Variants in VWA2 observed in about 807,000 individuals in gnomAD.
VWA2 encodes von Willebrand factor A domain-containing protein 2.
VWA2 carries 73 observed loss-of-function variants against 70.4 expected under a neutral mutation model. That is an observed-to-expected ratio of 1.04 (90% CI 0.86 to 1.26). The LOEUF (loss-of-function observed/expected upper bound fraction) is 1.26, where lower values mean the gene tolerates loss of function less well. VWA2 is among the 50% of genes most tolerant of loss of function. The probability of loss-of-function intolerance (pLI) is 0.00; values close to 1 mark genes in which losing one functional copy is unlikely to be tolerated. For synonymous variants in VWA2, 407 were observed against 423.3 expected, an observed-to-expected ratio of 0.96 and a Z score of 0.47; for missense variants, 1,011 against 998.5, an observed-to-expected ratio of 1.01 and a Z score of -0.17.
At chr10:114,248,390 C>T (rs2037119784) in intron 1 of VWA2, among the ~76,000 whole-genome samples, 1 of 152,182 alleles carries the variant, frequency 6.6e-6, no homozygotes, top group Admixed American at 6.5e-5. Flanking sequence ...AGAGCCAACA[C>T]CCGGGCCTCT....
rs146210457 is a variant in VWA2 at position 114,253,684 on chromosome 10, T to C, written c.86T>C (p.Val29Ala). Residue 29 changes from valine to alanine, a missense_variant, in exon 3 of 14, where the codon GTA becomes GCA. Coordinates refer to ENST00000392982, the MANE Select transcript of VWA2 (RefSeq NM_001272046.2). ...PPSLPLQEVH[V>A]SKETIGKISA... ...TCTCTCCCTCTCCAGGAAGTCCATG[T>C]AAGCAAAGAAACCATCGGGAAGATT... 1.6e-5 allele frequency: 26 copies of C among 1,612,470 alleles called. No homozygotes were observed. Among genetic ancestry groups the C allele is most frequent in the Non-Finnish European group, 2.2e-5 (26 of 1,179,808 alleles).
In VWA2 at chr10:114,241,360, T is replaced by G. The variant is rs2036971342; in HGVS notation, c.-11+1791T>G. ...GTTTCACTACCGTAAAAATCTTCTG[T>G]GCATCCCACCCTCCCTACAACACAT... On this transcript the variant is annotated intron_variant, in intron 1 of 13. Transcript: ENST00000392982. Among the ~76,000 whole-genome samples, 4 of 152,342 alleles carry G rather than the reference T, an allele frequency of 2.6e-5. No homozygotes were observed. In the South Asian group the frequency reaches 8.3e-4, roughly 32 times the overall value.
chr10:114,282,607 G>A, intron 9 of VWA2, 36 bp downstream of exon 9: 1 of 1,585,882 alleles, frequency 6.3e-7, no homozygotes, highest in Non-Finnish European at 8.7e-7. Flanking sequence ...GGTTCTTTCA[G>A]GGCCCTGGGC....
chr10:114,291,257 G>A lies in VWA2; in HGVS notation c.*20G>A. 1 of 1,549,618 alleles carries A rather than the reference G, an allele frequency of 6.5e-7. No individual in the cohort carries two copies. The highest frequency in any genetic ancestry group is 1.7e-4 in the Middle Eastern group (1 of 5,988). On this transcript the variant is annotated 3_prime_UTR_variant, in exon 14 of 14. Transcript: ENST00000392982. ...CCCTGAGGCACATGGCTCCCGTGCA[G>A]GAGGGCAGCAGCCGTACCCCTCCCA...
rs1320760915 is a variant in VWA2, at chr10:114,291,235, T to C, written c.2266T>C (p.Ter756ArgextTer53). The C allele has an allele frequency of 6.5e-7, 1 of 1,550,242 alleles. No individual in the cohort carries two copies. Among genetic ancestry groups the C allele is most frequent in the Non-Finnish European group, 8.7e-7 (1 of 1,146,912 alleles). ...TTCCCCAGGATTCTTGAGACGCCCC[T>C]GAGGCACATGGCTCCCGTGCAGGAG... is the stretch of plus-strand genomic sequence containing the variant. ...HCENRFLRRP[*>R] The change falls in exon 14 of 14, where the codon TGA becomes CGA. Residue 756 changes from the stop codon to arginine (R), a stop_lost. Coordinates refer to ENST00000392982, the MANE Select transcript of VWA2 (RefSeq NM_001272046.2).
At chr10:114,241,544 A>G (rs886738533) in intron 1 of VWA2, among the ~76,000 whole-genome samples, 2 of 152,158 alleles carry the variant, frequency 1.3e-5, no homozygotes, top group Non-Finnish European at 2.9e-5. Flanking sequence ...CATCATAAAA[A>G]CAGAATAGTT....
intron 6 of VWA2, among the ~76,000 whole-genome samples, chr10:114,274,393 A>G (rs2037776017): frequency 6.6e-6 from 1 of 152,214 alleles, no homozygotes; most frequent in African/African-American, 2.4e-5. Flanking sequence ...GAAACTGATT[A>G]GGAGGCCTTT....
intron 6 of VWA2, among the ~76,000 whole-genome samples, chr10:114,277,618 C>T (rs138498577): frequency 1.7e-4 from 26 of 152,318 alleles, no homozygotes; most frequent in Non-Finnish European, 3.1e-4. Context: ...GTGTGCTGGC[C>T]GCTTCCTCTA....
chr10:114,266,270 C>T (rs1412279088), intron 5 of VWA2, among the ~76,000 whole-genome samples: 1 of 151,914 alleles, frequency 6.6e-6, no homozygotes, highest in African/African-American at 2.4e-5. Flanking sequence ...GCACTCCAGC[C>T]TGGGTGACAG....
At chr10:114,269,318 C>T (rs112137445) in intron 5 of VWA2, among the ~76,000 whole-genome samples, 10 of 152,322 alleles carry the variant, frequency 6.6e-5, no homozygotes, top group African/African-American at 1.9e-4. Context: ...TGGTGGCCCA[C>T]GCCTGTAATC....
chr10:114,277,831 A>G (rs1279455559), intron 6 of VWA2, 83 bp from the exon 7 acceptor site: 1 of 1,490,128 alleles, frequency 6.7e-7, no homozygotes, highest in African/African-American at 1.4e-5. Flanking sequence ...GCTGCCATCC[A>G]CAAGGAACCC....
intron 12 of VWA2, 47 bp downstream of exon 12, chr10:114,289,536 C>G: frequency 6.2e-7 from 1 of 1,601,164 alleles, no homozygotes; most frequent in East Asian, 2.2e-5. Flanking sequence ...ATGGCAGGCC[C>G]TCAGCCTGAG....
chr10:114,270,704 A>G (rs1399207958), intron 5 of VWA2, among the ~76,000 whole-genome samples: 2 of 152,186 alleles, frequency 1.3e-5, no homozygotes, highest in African/African-American at 4.8e-5. Flanking sequence ...TAGAGATCAG[A>G]ATCGGGTTGG....
rs542116844 is a variant in VWA2 at position 114,283,442 on chromosome 10, T to G, written c.889+871T>G. 3.3e-5 allele frequency among the ~76,000 whole-genome samples: 5 copies of G among 152,174 alleles called. No homozygotes were observed. In the South Asian group the frequency reaches 1.0e-3, roughly 32 times the overall value. On this transcript the variant is annotated intron_variant, in intron 9 of 13. Coordinates refer to ENST00000392982, the MANE Select transcript of VWA2 (RefSeq NM_001272046.2). ...CCCTATTTGGGGTTAGGTGATCCCT[T>G]CAGTATGTTCACAAGGTTTACAGTT...
intron 2 of VWA2, among the ~76,000 whole-genome samples, chr10:114,250,769 G>C (rs1485557185): frequency 1.4e-4 from 21 of 152,258 alleles, no homozygotes; most frequent in Non-Finnish European, 1.5e-5. Flanking sequence ...GGGTTGGGGA[G>C]TGGTGAGATG....
At position 114,290,333 on chromosome 10, in the gene VWA2, G is replaced by A. The variant is rs761365199; in HGVS notation, c.2216G>A (p.Arg739Gln). The A allele has an allele frequency of 1.2e-5, 18 of 1,550,478 alleles. No homozygotes were observed. The Admixed American group carries it at 1.2e-4, about 10-fold the overall frequency. ...LQNGSYRCKC[R>Q]DGWEGPHCEN... ...AATGGGAGCTACCGCTGCAAGTGTCGGGATGGCTGGGAGGGCCCCCACTGC... is the reference window on the plus strand; with the variant it reads ...AATGGGAGCTACCGCTGCAAGTGTCAGGATGGCTGGGAGGGCCCCCACTGC... Residue 739 changes from arginine to glutamine, a missense_variant, in exon 13 of 14, where the codon CGG (arginine) becomes CAG (glutamine). Physicochemically the swap from Arg to Gln is conservative, Grantham distance 43. Transcript: ENST00000392982.
intron 6 of VWA2, among the ~76,000 whole-genome samples, chr10:114,276,954 C>A (rs935054634): frequency 1.3e-5 from 2 of 152,140 alleles, no homozygotes; most frequent in Non-Finnish European, 2.9e-5. Flanking sequence ...CAGACCGTGG[C>A]TGTGCAACGC....
intron 2 of VWA2, among the ~76,000 whole-genome samples, chr10:114,252,307 C>T (rs951075591): frequency 2.0e-5 from 3 of 152,164 alleles, no homozygotes; most frequent in African/African-American, 7.2e-5. Flanking sequence ...GTGGAGCTGA[C>T]TGCTGGCACA....
rs2037872820 is a variant in VWA2 at position 114,277,449 on chromosome 10, G to A, written c.567-465G>A. Among the ~76,000 whole-genome samples the A allele has an allele frequency of 2.0e-5, 3 of 152,136 alleles. No individual in the cohort carries two copies. In the South Asian group the frequency reaches 6.2e-4, roughly 32 times the overall value. ...TCCACCCACCTCGGCCTCCCAAAGTGCTGGGATTAGGCGTGAGCCACCACA... is the reference window on the plus strand; with the variant it reads ...TCCACCCACCTCGGCCTCCCAAAGTACTGGGATTAGGCGTGAGCCACCACA... On this transcript the variant is annotated intron_variant, in intron 6 of 13. Transcript: ENST00000392982.
Sources: allele counts gnomAD v4.1 joint callset (sites outside exome capture counted in the v4.1 genomes callset), GRCh38; gene constraint gnomAD v4.1.1; transcripts MANE v1.5; gene names NCBI Gene and HGNC (gene_info 2026-07-23, HGNC 2026-07-21).